FOXP2: variants seen among roughly 807,000 people sequenced by gnomAD.
FOXP2 encodes the protein forkhead box protein P2.
In FOXP2, 12 loss-of-function variants were observed where a neutral mutation model predicts 115.8. The ratio of observed to expected loss-of-function variants is 0.10; its 90% CI spans 0.07 to 0.17. The LOEUF is 0.17. Ranked by LOEUF, FOXP2 falls within the 10% of genes least tolerant of loss-of-function variation. FOXP2 has a pLI of 1.00. For synonymous variants in FOXP2, 328 were observed against 297.7 expected (o/e 1.10, Z -1.05); for missense variants, 629 against 843.5 (o/e 0.75, Z 3.15).
chr7:114,407,815 T>A (rs914924532), intron 2 of FOXP2, among the ~76,000 whole-genome samples: 5 of 152,128 alleles, frequency 3.3e-5, no homozygotes, highest in Non-Finnish European at 5.9e-5. Flanking sequence ...AGGACATGAT[T>A]GTTAAGGTCT....
intron 2 of FOXP2, among the ~76,000 whole-genome samples, chr7:114,401,124 C>T (rs1390666461): frequency 1.3e-5 from 2 of 152,044 alleles, no homozygotes; most frequent in African/African-American, 4.8e-5. Flanking sequence ...GCTAAACTGA[C>T]TTAGTAGGGT....
chr7:114,121,668 G>A (rs1057478414), intron 1 of FOXP2, among the ~76,000 whole-genome samples: 5 of 152,092 alleles, frequency 3.3e-5, no homozygotes, highest in African/African-American at 1.2e-4. Flanking sequence ...TTATCTGGAG[G>A]TGACCATAGT....
chr7:114,485,000 T>C (rs1796714161), intron 2 of FOXP2, among the ~76,000 whole-genome samples: 1 of 151,976 alleles, frequency 6.6e-6, no homozygotes, highest in Non-Finnish European at 1.5e-5. Context: ...TGGTAATTTT[T>C]ACTTGAAAAA....
intron 1 of FOXP2, among the ~76,000 whole-genome samples, chr7:114,221,066 A>G (rs1046636003): frequency 1.3e-5 from 2 of 152,168 alleles, no homozygotes; most frequent in African/African-American, 2.4e-5. Flanking sequence ...ATATTTTACA[A>G]ACAGTATTTT....
intron 2 of FOXP2, among the ~76,000 whole-genome samples, chr7:114,304,404 A>G (rs1489489481): frequency 6.6e-6 from 1 of 151,768 alleles, no homozygotes; most frequent in Non-Finnish European, 1.5e-5. Flanking sequence ...GGGCATGGTG[A>G]CTCATGCCTG....
At chr7:114,103,860 A>G (rs902377673) in intron 1 of FOXP2, among the ~76,000 whole-genome samples, 1 of 152,002 alleles carries the variant, frequency 6.6e-6, no homozygotes, top group Admixed American at 6.6e-5. Flanking sequence ...TTGACTTCCA[A>G]CTAACCCATA....
chr7:114,685,118 T>C (rs1808294977), intron 16 of FOXP2, among the ~76,000 whole-genome samples: 1 of 152,150 alleles, frequency 6.6e-6, no homozygotes, highest in South Asian at 2.1e-4. Flanking sequence ...CAAGCACACA[T>C]GCTTATGTGC....
chr7:114,531,890 T>G (rs1799160548), intron 2 of FOXP2, among the ~76,000 whole-genome samples: 1 of 151,980 alleles, frequency 6.6e-6, no homozygotes, highest in Non-Finnish European at 1.5e-5. Flanking sequence ...TTCTAGTGTT[T>G]GTCTACAGAC....
Position 114,415,087 on chromosome 7 carries a change from A to G in FOXP2, c.-284A>G. 2.2e-6 allele frequency: 1 copy of G among 454,288 alleles called. No homozygotes were observed. The allele number at this position is 454,288 out of a possible 1,614,324, so 28.1% of individuals were successfully genotyped here. ...TGTGTACGATTGTCCACGGACGCCA[A>G]AACAATCACAGAGCTGCTTGATTTG... On this transcript the variant is annotated 5_prime_UTR_variant, in exon 1 of 17. Coordinates refer to ENST00000350908, the MANE Select transcript of FOXP2 (RefSeq NM_014491.4).
At chr7:114,497,895 A>G (rs962162861) in intron 2 of FOXP2, among the ~76,000 whole-genome samples, 1 of 152,082 alleles carries the variant, frequency 6.6e-6, no homozygotes, top group Non-Finnish European at 1.5e-5. Context: ...AGACAATATT[A>G]TCTCCACTTA....
chr7:114,281,140 C>T (rs1454015227), intron 1 of FOXP2, among the ~76,000 whole-genome samples: 1 of 118,038 alleles, frequency 8.5e-6, no homozygotes, highest in African/African-American at 3.2e-5. Flanking sequence ...CTCACTCTGT[C>T]GCTGAGACTG....
chr7:114,132,578 TGTGTGAGAGAGAGAGAGA>T (rs1359923331), intron 1 of FOXP2, among the ~76,000 whole-genome samples: 2 of 58,778 alleles, frequency 3.4e-5, no homozygotes, highest in Non-Finnish European at 6.4e-5. Flanking sequence ...TGTGTGTGTG[TGTGTGAGAGAGAGAGAGA>T]GAGAGAGAGA....
upstream of FOXP2, among the ~76,000 whole-genome samples, chr7:114,412,987 AT>A (rs139611868): frequency 2.0e-5 from 3 of 152,098 alleles, no homozygotes; most frequent in Non-Finnish European, 4.4e-5. Flanking sequence ...AGAGGTATCA[AT>A]TTTTTTAACT....
chr7:114,406,574 A>G (rs1434261011), intron 2 of FOXP2, among the ~76,000 whole-genome samples: 1 of 152,016 alleles, frequency 6.6e-6, no homozygotes, highest in African/African-American at 2.4e-5. Context: ...AAGTGAGGAA[A>G]CTGCTATTTC....
intron 2 of FOXP2, among the ~76,000 whole-genome samples, chr7:114,429,428 C>A (rs933207311): frequency 1.3e-5 from 2 of 151,378 alleles, no homozygotes; most frequent in African/African-American, 4.8e-5. Context: ...CTCCTTCATT[C>A]CTTTCTAATC....
intron 3 of FOXP2, among the ~76,000 whole-genome samples, chr7:114,551,799 C>A (rs1800223634): frequency 6.6e-6 from 1 of 152,074 alleles, no homozygotes; most frequent in South Asian, 2.1e-4. Flanking sequence ...ATTACTGAGA[C>A]TAACACTAGA....
intron 3 of FOXP2, among the ~76,000 whole-genome samples, chr7:114,610,985 G>A (rs892060793): frequency 7.2e-5 from 11 of 152,024 alleles, no homozygotes; most frequent in African/African-American, 2.7e-4. Context: ...CAGTGTTGAG[G>A]TTTCTGTGAA....
intron 3 of FOXP2, among the ~76,000 whole-genome samples, chr7:114,566,319 A>T (rs1170118142): frequency 1.3e-5 from 2 of 152,094 alleles, no homozygotes; most frequent in East Asian, 3.9e-4. Flanking sequence ...TTTCCTCCAA[A>T]TCTCATGTTG....
In FOXP2 at chr7:114,435,339, G is replaced by A. The variant is rs980045628; in HGVS notation, c.168+8660G>A. Among the ~76,000 whole-genome samples the A allele has an allele frequency of 3.9e-5, 6 of 152,038 alleles. No homozygotes were observed. In the East Asian group the frequency reaches 9.7e-4, roughly 24 times the overall value. On this transcript the variant is annotated intron_variant, in intron 2 of 16. Coordinates refer to ENST00000350908, the MANE Select transcript of FOXP2 (RefSeq NM_014491.4). ...AGAGAGGATCAATCGGCAGAAAAAGGGTAGAAAGAATTCTAGGTAGAAGGA... is the reference window on the plus strand; with the variant it reads ...AGAGAGGATCAATCGGCAGAAAAAGAGTAGAAAGAATTCTAGGTAGAAGGA...
Sources: gnomAD v4.1 joint callset for allele counts (sites outside exome capture counted in the v4.1 genomes callset) on GRCh38, gnomAD v4.1.1 for gene constraint, MANE v1.5 for transcripts, NCBI Gene and HGNC (gene_info 2026-07-23, HGNC 2026-07-21) for gene names.